Variants in ARAP3 observed in about 807,000 individuals in gnomAD.
ARAP3 encodes the protein arf-GAP with Rho-GAP domain, ANK repeat and PH domain-containing protein 3.
In ARAP3, 82 loss-of-function variants were observed where a neutral mutation model predicts 169.2. The observed-to-expected ratio is 0.48, with a 90% CI of 0.41 to 0.58. The LOEUF is 0.58. ARAP3 is among the 20% of genes least tolerant of loss of function. The probability of loss-of-function intolerance (pLI) is 0.00; values close to 1 mark genes in which losing one functional copy is unlikely to be tolerated. For missense variants in ARAP3, 1,764 were observed against 2,018.0 expected (o/e 0.87, Z 2.41); for synonymous variants, 791 against 800.3 (o/e 0.99, Z 0.20).
intron 24 of ARAP3, 25 bp downstream of exon 24, chr5:141,658,554 C>T (rs1474865830): frequency 6.2e-7 from 1 of 1,613,984 alleles, no homozygotes; most frequent in Admixed American, 1.7e-5. Context: ...CCTCTTATTT[C>T]CCCTCCAGTC....
Position 141,680,014 on chromosome 5 carries a change from G to T in ARAP3, c.473C>A (p.Ser158Tyr). 1 of 1,614,188 alleles carries T rather than the reference G, an allele frequency of 6.2e-7. No individual in the cohort carries two copies. The highest frequency in any genetic ancestry group is 8.5e-7 in the Non-Finnish European group (1 of 1,180,042). ...ALNTVEMMPNSIYFGLDSRGR... is the reference protein window; with the variant it reads ...ALNTVEMMPNYIYFGLDSRGR... Reference sequence around the variant, plus strand: ...TCTTGAGTCCAGGCCGAAGTAGATGGAATTAGGCATCATCTCCACAGTATT... The same window carrying T: ...TCTTGAGTCCAGGCCGAAGTAGATGTAATTAGGCATCATCTCCACAGTATT... Residue 158 changes from serine (S) to tyrosine (Y), a missense_variant, in exon 2 of 33, where the codon TCC (serine) becomes TAC (tyrosine). Physicochemically the swap from Ser to Tyr is moderately radical, Grantham distance 144. Transcript: ENST00000239440.
intron 2 of ARAP3, 23 bp from the exon 3 acceptor site, chr5:141,679,845 T>C: frequency 1.2e-6 from 2 of 1,611,012 alleles, no homozygotes; most frequent in Admixed American, 1.7e-5. Context: ...GTCTATTGGT[T>C]ACTTAAGGAG....
At position 141,671,538 on chromosome 5, in the gene ARAP3, A is replaced by G. The variant is rs761444794; in HGVS notation, c.1854+32T>C. On this transcript the variant is annotated intron_variant, in intron 12 of 32. Coordinates refer to ENST00000239440, the MANE Select transcript of ARAP3 (RefSeq NM_022481.6). This position sits in a 1 kb window ranked among gnomAD's most constrained non-coding sequence, Gnocchi z 4.9. Reference sequence around the variant, plus strand: ...CCAGAGAGTGTTTCCTGACCCCCCCACCCCAGATCACCCCTGCTCTGTCCC... The same window carrying G: ...CCAGAGAGTGTTTCCTGACCCCCCCGCCCCAGATCACCCCTGCTCTGTCCC... 12 of 1,611,830 alleles carry G rather than the reference A, an allele frequency of 7.4e-6. No individual in the cohort carries two copies. The South Asian group carries it at 1.3e-4, about 18-fold the overall frequency.
At chr5:141,676,132 G>A (rs964208462) in intron 4 of ARAP3, among the ~76,000 whole-genome samples, 4 of 152,106 alleles carry the variant, frequency 2.6e-5, no homozygotes, top group South Asian at 2.1e-4. Flanking sequence ...GGCGGATCAC[G>A]AGGTCAAGAG....
rs1437927368 is a variant in ARAP3 at position 141,672,456 on chromosome 5, C to G, written c.1385+96G>C. ...TCACTGGACTACCATCTGTGCATAC[C>G]CTCTGACGTCCTACTAAAGAGGCCT... On this transcript the variant is annotated intron_variant, in intron 9 of 32. Coordinates refer to ENST00000239440, the MANE Select transcript of ARAP3 (RefSeq NM_022481.6). The surrounding 1 kb of genome is among the most constrained non-coding windows in gnomAD (Gnocchi z 4.9). 2 of 1,489,794 alleles carry G rather than the reference C, an allele frequency of 1.3e-6. No individual in the cohort carries two copies. The highest frequency in any genetic ancestry group is 2.8e-5 in the African/African-American group (2 of 71,744). 92.3% of individuals were successfully genotyped at this position (1,489,794 alleles called of 1,614,324 possible). A position where few individuals can be genotyped will look rare whatever the true frequency, so the allele number is the denominator to read the frequency against.
In ARAP3 at chr5:141,656,516, G is replaced by C. The variant is rs778070017; in HGVS notation, c.3777C>G (p.Leu1259=). 1.9e-6 allele frequency: 3 copies of C among 1,611,994 alleles called. No homozygotes were observed. The highest frequency in any genetic ancestry group is 3.3e-5 in the Admixed American group (2 of 59,708). The part of the protein sequence containing the change: ...FLLRGRCLLL[L]KEKKSSKPER... ...CCCAGGGCCTCACTTTCTTCTCCTT[G>C]AGCAGCAGCAGGCAGCGGCCACGCA... The change falls in exon 27 of 33, where the codon CTC becomes CTG. Residue 1259 remains leucine (L), a synonymous_variant. Coordinates refer to ENST00000239440, the MANE Select transcript of ARAP3 (RefSeq NM_022481.6).
At chr5:141,662,279 C>T in intron 19 of ARAP3, 24 bp from the exon 20 acceptor site, 1 of 1,612,074 alleles carries the variant, frequency 6.2e-7, no homozygotes, top group Non-Finnish European at 8.5e-7. Flanking sequence ...GCCGTCTCTG[C>T]TCACCATGGT....
chr5:141,663,255 A>G (rs946074303), intron 19 of ARAP3, among the ~76,000 whole-genome samples: 6 of 152,108 alleles, frequency 3.9e-5, no homozygotes, highest in African/African-American at 1.4e-4. Context: ...CTGACTAAAC[A>G]ATGGTGGTGC....
At position 141,672,340 on chromosome 5, in the gene ARAP3, C is replaced by G. The variant is rs779627532; in HGVS notation, c.1386-39G>C. The G allele has an allele frequency of 6.9e-6, 11 of 1,605,560 alleles. No homozygotes were observed. Among genetic ancestry groups the G allele is most frequent in the Non-Finnish European group, 9.4e-6 (11 of 1,174,422 alleles). On this transcript the variant is annotated intron_variant, in intron 9 of 32. Coordinates refer to ENST00000239440, the MANE Select transcript of ARAP3 (RefSeq NM_022481.6). The surrounding 1 kb of genome is among the most constrained non-coding windows in gnomAD (Gnocchi z 4.9). ...AGCCAGTCCATGGGCATGGACCTAC[C>G]TGCCATGTCCCATCCCCCTGGCTCT...
intron 6 of ARAP3, 99 bp downstream of exon 6, chr5:141,673,302 C>T (rs2099911690): frequency 1.4e-5 from 22 of 1,556,582 alleles, no homozygotes; most frequent in Middle Eastern, 1.7e-4. Context: ...GTCACTGCCC[C>T]GCCCACACAC....
chr5:141,654,336 A>C lies in ARAP3; in HGVS notation c.4249T>G (p.Leu1417Val). 6.2e-7 allele frequency: 1 copy of C among 1,613,950 alleles called. No individual in the cohort carries two copies. Among genetic ancestry groups the C allele is most frequent in the South Asian group, 1.1e-5 (1 of 91,080 alleles). ...VYEEVGAFPE[L>V]IQDTSTSFST... is the part of the protein sequence containing the mutation. ...AAGGAGGTAGAAGTGTCCTGGATCAACTCAGGGAAGGCCCCTACTTCCTCA... is the reference window on the plus strand; with the variant it reads ...AAGGAGGTAGAAGTGTCCTGGATCACCTCAGGGAAGGCCCCTACTTCCTCA... Residue 1417 changes from leucine (L) to valine (V), a missense_variant, in exon 33 of 33, where the codon TTG (leucine) becomes GTG (valine). Physicochemically the swap from Leu to Val is conservative, Grantham distance 32 (BLOSUM62 1). Around this residue, in one of 3 missense-constraint regions of ARAP3, gnomAD observed 1,112 missense variants for 1,285.7 expected, o/e 0.86. Transcript: ENST00000239440.
rs1321190338 is a variant in ARAP3, at chr5:141,671,277, G to A, written c.1978C>T (p.Leu660Phe). ...TTGGGGGAATGACCTGAGGGCAAGA[G>A]GCCAGGGCAGCTGCCATCAGGGGCT... ...PPAPDGSCPG[L>F]LPSDPSPGVY... The change falls in exon 13 of 33, where the codon CTC (leucine) becomes TTC (phenylalanine). Residue 660 changes from leucine to phenylalanine, a missense_variant. Physicochemically the swap from Leu to Phe is conservative, Grantham distance 22 (BLOSUM62 0). This residue lies in a region of ARAP3 where 1,112 missense variants were observed against 1,285.7 expected (regional missense o/e 0.86). Transcript: ENST00000239440. The surrounding 1 kb of genome is among the most constrained non-coding windows in gnomAD (Gnocchi z 4.9). The A allele has an allele frequency of 1.2e-6, 2 of 1,609,490 alleles. No homozygotes were observed. The highest frequency in any genetic ancestry group is 1.1e-5 in the South Asian group (1 of 90,332).
At chr5:141,665,706 G>C (rs1420392054) in intron 17 of ARAP3, among the ~76,000 whole-genome samples, 1 of 152,038 alleles carries the variant, frequency 6.6e-6, no homozygotes, top group Non-Finnish European at 1.5e-5. Context: ...CCCTCTCCCA[G>C]GACCCAACCA....
chr5:141,680,090 G>A lies in ARAP3; in HGVS notation c.397C>T (p.Pro133Ser). 6.2e-7 allele frequency: 1 copy of A among 1,613,716 alleles called. No individual in the cohort carries two copies. Among genetic ancestry groups the A allele is most frequent in the Non-Finnish European group, 8.5e-7 (1 of 1,179,802 alleles). The change falls in exon 2 of 33, where the codon CCA (proline) becomes TCA (serine). Residue 133 changes from proline (P) to serine (S), a missense_variant. Coordinates refer to ENST00000239440, the MANE Select transcript of ARAP3 (RefSeq NM_022481.6). ...GAAGTGGGGAGAGGAGGAGGCCTTG[G>A]GCTGGGCTCTGGGCTCCTGGACACT... ...PGVSRSPEPS[P>S]RPPPLPTSSS...
rs770818487 is a variant in ARAP3 at position 141,664,932 on chromosome 5, A to G, written c.2790T>C (p.Val930=). The G allele has an allele frequency of 1.3e-6, 2 of 1,507,082 alleles. No individual in the cohort carries two copies. The highest frequency in any genetic ancestry group is 1.8e-6 in the Non-Finnish European group (2 of 1,117,754). The allele number at this position is 1,507,082 out of a possible 1,614,324, so 93.4% of individuals were successfully genotyped here. A position where few individuals can be genotyped will look rare whatever the true frequency, so the allele number is the denominator to read the frequency against. ...CCAGTGCCTACTCACCATGCTGGGT[A>G]ACAAAACTGATGCAGGCATCCACGA... ...PIIVDACISF[V]TQHGLRLEGV... The change falls in exon 19 of 33, where the codon GTT becomes GTC. Residue 930 remains valine (V), a synonymous_variant. Coordinates refer to ENST00000239440, the MANE Select transcript of ARAP3 (RefSeq NM_022481.6).
intron 13 of ARAP3, 121 bp from the exon 14 acceptor site, chr5:141,670,749 A>C (rs1318220096): frequency 3.8e-6 from 3 of 785,760 alleles, no homozygotes; most frequent in Non-Finnish European, 2.2e-6. Flanking sequence ...AGCACAGCCA[A>C]GTAGAGCCCA....
chr5:141,655,214 C>CA (rs2099909081), intron 32 of ARAP3, 148 bp downstream of exon 32: 60 of 643,998 alleles, frequency 9.3e-5, no homozygotes, highest in East Asian at 1.2e-4. Context: ...CACACACACA[C>CA]CCTGATGGCC....
At chr5:141,660,465 G>T (rs1434911628) in intron 21 of ARAP3, among the ~76,000 whole-genome samples, 3 of 149,284 alleles carry the variant, frequency 2.0e-5, no homozygotes, top group Admixed American at 6.7e-5. Context: ...CTGCACTCCC[G>T]CCTGGGCCAC....
Position 141,672,050 on chromosome 5 carries a change from C to T in ARAP3, c.1585+52G>A, listed in dbSNP as rs1437113501. 1 of 1,613,806 alleles carries T rather than the reference C, an allele frequency of 6.2e-7. No homozygotes were observed. The highest frequency in any genetic ancestry group is 2.2e-5 in the East Asian group (1 of 44,896). ...GGCATGTGGCACGGGTACCCTGAGCCCTCTAGTCCCAGCCCTCCTGTTCCC... is the reference window on the plus strand; with the variant it reads ...GGCATGTGGCACGGGTACCCTGAGCTCTCTAGTCCCAGCCCTCCTGTTCCC... On this transcript the variant is annotated intron_variant, in intron 10 of 32. Transcript: ENST00000239440. The surrounding 1 kb of genome is among the most constrained non-coding windows in gnomAD (Gnocchi z 4.9).
Sources: gnomAD v4.1 joint callset for allele counts (sites outside exome capture counted in the v4.1 genomes callset) on GRCh38, gnomAD v4.1.1 for gene constraint, gnomAD v4.1.1 regional missense constraint, Gnocchi (gnomAD v3.1) non-coding constraint, MANE v1.5 for transcripts, NCBI Gene and HGNC (gene_info 2026-07-23, HGNC 2026-07-21) for gene names.